The following CCR3 variants were observed in gnomAD, a reference collection of about 807,000 sequenced individuals.
The protein encoded by CCR3 is C-C chemokine receptor type 3.
For synonymous variants in CCR3, 203 were observed against 179.2 expected (o/e 1.13, Z -1.06); for missense variants, 419 against 437.5 (o/e 0.96, Z 0.38).
At chr3:46,241,650 A>G (rs1700087398), upstream of CCR3, among the ~76,000 whole-genome samples, 1 of 152,210 alleles carries the variant, frequency 6.6e-6, no homozygotes, top group Non-Finnish European at 1.5e-5. Flanking sequence ...GCTGAGGTCC[A>G]GCAAGTTTAA....
upstream of CCR3, among the ~76,000 whole-genome samples, chr3:46,241,218 T>C (rs1196340590): frequency 1.3e-5 from 2 of 152,000 alleles, no homozygotes; most frequent in Non-Finnish European, 2.9e-5. Flanking sequence ...CTTTGTCTTT[T>C]GTTCCTATGT....
chr3:46,246,853 A>G (rs1700201545), intron 1 of CCR3, among the ~76,000 whole-genome samples: 1 of 152,002 alleles, frequency 6.6e-6, no homozygotes, highest in South Asian at 2.1e-4. Context: ...TTCAAGCGGG[A>G]TTAGGGGCGG....
intron 1 of CCR3, among the ~76,000 whole-genome samples, chr3:46,262,201 T>C (rs1238749192): frequency 1.3e-5 from 2 of 152,224 alleles, no homozygotes; most frequent in Non-Finnish European, 2.9e-5. Context: ...TTCAAATGAA[T>C]GAATCAAGAG....
intron 1 of CCR3, chr3:46,264,139 G>A (rs1383612218): frequency 2.4e-6 from 1 of 418,806 alleles, no homozygotes; most frequent in African/African-American, 2.1e-5. Context: ...CTGGCCTTAG[G>A]GCTCCTGGCC....
chr3:46,264,294 C>A (rs920197197), intron 1 of CCR3: 26 of 888,576 alleles, frequency 2.9e-5, no homozygotes, highest in Non-Finnish European at 4.1e-5. Context: ...GGAAAGTAAC[C>A]TAAACTAATG....
At chr3:46,239,127 C>G (rs36048333), upstream of CCR3, among the ~76,000 whole-genome samples, 8,801 of 152,182 alleles carry the variant, frequency 0.058, 389 homozygotes, top group South Asian at 0.19. Flanking sequence ...TGAGGGAAAT[C>G]GTAGAGATTA....
chr3:46,249,970 T>A (rs933963973), intron 1 of CCR3, among the ~76,000 whole-genome samples: 4 of 152,090 alleles, frequency 2.6e-5, no homozygotes, highest in Non-Finnish European at 2.9e-5. Flanking sequence ...TTTTATTTAA[T>A]GTCGGGAGCA....
chr3:46,242,753 C>G (rs1339413655), intron 1 of CCR3, among the ~76,000 whole-genome samples: 1 of 151,566 alleles, frequency 6.6e-6, no homozygotes, highest in Non-Finnish European at 1.5e-5. Flanking sequence ...GTCTCCCATC[C>G]ACACAATGAT....
intron 1 of CCR3, among the ~76,000 whole-genome samples, chr3:46,260,720 G>T (rs1700509554): frequency 2.6e-5 from 4 of 152,182 alleles, no homozygotes; most frequent in African/African-American, 9.7e-5. Context: ...AGTAATCAAA[G>T]ATCTTGATAA....
chr3:46,247,710 C>A (rs1334075533), intron 1 of CCR3, among the ~76,000 whole-genome samples: 1 of 151,836 alleles, frequency 6.6e-6, no homozygotes, highest in Non-Finnish European at 1.5e-5. Context: ...CTTCTCAGAC[C>A]CTGTAGGAAA....
chr3:46,265,831 A>G lies in CCR3; in HGVS notation c.673A>G (p.Thr225Ala). Residue 225 changes from threonine to alanine, a missense_variant, in exon 2 of 2, where the codon ACG becomes GCG. Physicochemically the swap from Thr to Ala is moderately conservative, Grantham distance 58 (BLOSUM62 0). Transcript: ENST00000395940. ...MAICYTGIIKTLLRCPSKKKY... is the reference protein window; with the variant it reads ...MAICYTGIIKALLRCPSKKKY... ...CATCTGCTACACAGGAATCATCAAA[A>G]CGCTGCTGAGGTGCCCCAGTAAAAA... 6.2e-7 allele frequency: 1 copy of G among 1,613,884 alleles called. No individual in the cohort carries two copies. Among genetic ancestry groups the G allele is most frequent in the Non-Finnish European group, 8.5e-7 (1 of 1,179,974 alleles).
intron 2 of CCR3, among the ~76,000 whole-genome samples, chr3:46,225,511 G>A (rs1699884297): frequency 6.6e-6 from 1 of 152,164 alleles, no homozygotes; most frequent in South Asian, 2.1e-4. Flanking sequence ...CATAATGGCT[G>A]TATTATTTTA....
At chr3:46,264,055 C>T (rs571321723) in intron 1 of CCR3, 2 of 258,716 alleles carry the variant, frequency 7.7e-6, no homozygotes, top group Admixed American at 1.1e-4. Context: ...ACTGTCCTTC[C>T]ATGACTCCTG....
intron 1 of CCR3, among the ~76,000 whole-genome samples, 185 bp from the exon 2 acceptor site, chr3:46,264,963 G>T (rs1008330463): frequency 1.3e-5 from 2 of 152,094 alleles, no homozygotes; most frequent in African/African-American, 2.4e-5. Context: ...GAAAGCTTCA[G>T]CTCTTTCCTT....
chr3:46,236,194 C>T (rs1173524550), intron 2 of CCR3, among the ~76,000 whole-genome samples: 3 of 152,254 alleles, frequency 2.0e-5, no homozygotes, highest in South Asian at 2.1e-4. Flanking sequence ...CCATGCAGTT[C>T]GTGGCTTTTA....
intron 1 of CCR3, among the ~76,000 whole-genome samples, chr3:46,257,484 G>A (rs1210071606): frequency 6.9e-6 from 1 of 144,524 alleles, no homozygotes; most frequent in East Asian, 2.1e-4. Flanking sequence ...TCCATTGAGA[G>A]TAAAGGAAGA....
Position 46,233,167 on chromosome 3 carries a change from C to T in CCR3, c.-67-9235C>T, listed in dbSNP as rs556381728. On this transcript the variant is annotated intron_variant, in intron 2 of 3. Coordinates refer to the CCR3 transcript ENST00000357422. ...TTGTAAAGCTTTCACAGGAGGGTGACGTGCTGTCAGTGGAGGGAACACAGA... is the reference window on the plus strand; with the variant it reads ...TTGTAAAGCTTTCACAGGAGGGTGATGTGCTGTCAGTGGAGGGAACACAGA... Among the ~76,000 whole-genome samples, 61 of 152,258 alleles carry T rather than the reference C, an allele frequency of 4.0e-4. No homozygotes were observed. The South Asian group carries it at 9.9e-3, about 25-fold the overall frequency.
intron 1 of CCR3, among the ~76,000 whole-genome samples, chr3:46,249,111 T>C (rs1225119354): frequency 1.3e-5 from 2 of 152,056 alleles, no homozygotes; most frequent in South Asian, 2.1e-4. Context: ...GGGAGCATGA[T>C]TGGTCGCCAA....
intron 1 of CCR3, among the ~76,000 whole-genome samples, chr3:46,262,170 G>A (rs1700538615): frequency 1.3e-5 from 2 of 152,336 alleles, no homozygotes; most frequent in South Asian, 2.1e-4. Flanking sequence ...TAAAGAGGAT[G>A]AGTAAAACCT....
Sources: allele counts gnomAD v4.1 joint callset (sites outside exome capture counted in the v4.1 genomes callset), GRCh38; gene constraint gnomAD v4.1.1; transcripts MANE v1.5; gene names NCBI Gene and HGNC (gene_info 2026-07-23, HGNC 2026-07-21).